PTPRD: variants seen among roughly 807,000 people sequenced by gnomAD.
PTPRD encodes protein tyrosine phosphatase receptor type D, also known as receptor-type tyrosine-protein phosphatase delta.
Under a neutral mutation model 214.5 loss-of-function variants are expected in PTPRD, and 34 were observed. The observed-to-expected ratio is 0.16, with a 90% CI of 0.12 to 0.21. The LOEUF (loss-of-function observed/expected upper bound fraction) is 0.21. Ranked by LOEUF, PTPRD falls within the 10% of genes least tolerant of loss-of-function variation. PTPRD has a pLI of 1.00. For synonymous variants in PTPRD, 1,128 were observed against 845.7 expected, an observed-to-expected ratio of 1.33 and a Z score of -5.79; for missense variants, 2,545 against 2,398.7, an observed-to-expected ratio of 1.06 and a Z score of -1.27.
At chr9:8,839,315 TA>T (rs1231242892) in intron 11 of PTPRD, among the ~76,000 whole-genome samples, 50 of 151,472 alleles carry the variant, frequency 3.3e-4, no homozygotes, top group Non-Finnish European at 6.2e-4. Context: ...TTTATTTATT[TA>T]TTTATTTATT....
chr9:9,897,756 G>A (rs929673324), intron 5 of PTPRD, among the ~76,000 whole-genome samples: 1 of 151,956 alleles, frequency 6.6e-6, no homozygotes, highest in South Asian at 2.1e-4. Flanking sequence ...AACTACTTAT[G>A]AGCATTTTAT....
chr9:9,832,959 T>G (rs1212036998), intron 5 of PTPRD, among the ~76,000 whole-genome samples: 1 of 151,900 alleles, frequency 6.6e-6, no homozygotes, highest in Non-Finnish European at 1.5e-5. Context: ...TAAGTAATAT[T>G]ATTTTATACT....
At chr9:10,193,066 A>G (rs978445107) in intron 3 of PTPRD, among the ~76,000 whole-genome samples, 1 of 152,132 alleles carries the variant, frequency 6.6e-6, no homozygotes, top group Non-Finnish European at 1.5e-5. Context: ...TTCAGCAGGT[A>G]TGTTCAGCCA....
chr9:9,704,241 C>A (rs928748124), intron 7 of PTPRD, among the ~76,000 whole-genome samples: 1 of 152,018 alleles, frequency 6.6e-6, no homozygotes, highest in African/African-American at 2.4e-5. Context: ...GCCATCAAAT[C>A]GCATTCTTCT....
chr9:8,599,617 T>C (rs2154275372), intron 14 of PTPRD, among the ~76,000 whole-genome samples: 1 of 76,056 alleles, frequency 1.3e-5, no homozygotes, highest in Non-Finnish European at 2.4e-5. Flanking sequence ...CCCACCCTTT[T>C]TTTTTTTTTT....
intron 4 of PTPRD, among the ~76,000 whole-genome samples, chr9:9,986,761 A>G (rs1177858097): frequency 1.3e-5 from 2 of 152,124 alleles, no homozygotes; most frequent in East Asian, 3.9e-4. Context: ...TGATTGAAAT[A>G]CTCTCTAGAG....
chr9:9,625,242 A>G lies in PTPRD; in HGVS notation c.-286-50461T>C, dbSNP rs113343221. Among the ~76,000 whole-genome samples, 574 of 152,306 alleles carry G rather than the reference A, an allele frequency of 3.8e-3. 4 individuals are homozygous for G. The highest frequency in any genetic ancestry group is 0.013 in the African/African-American group (548 of 41,566). ...ATATGGACAGTACACACAAGGCCAG[A>G]AGAGTGTGGACATGGGCAAGGGAGC... On this transcript the variant is annotated intron_variant, in intron 7 of 45. Transcript: ENST00000381196.
At chr9:9,458,307 A>C (rs1240997245) in intron 8 of PTPRD, among the ~76,000 whole-genome samples, 2 of 152,080 alleles carry the variant, frequency 1.3e-5, no homozygotes, top group African/African-American at 4.8e-5. Flanking sequence ...GAAAATAAAA[A>C]TGTTTCTGTA....
chr9:8,555,223 G>T (rs201751989), intron 14 of PTPRD, among the ~76,000 whole-genome samples: 1 of 152,084 alleles, frequency 6.6e-6, no homozygotes, highest in East Asian at 1.9e-4. Context: ...GGGCAACATG[G>T]CAAGACCCTG....
Position 9,489,234 on chromosome 9 carries a change from G to A in PTPRD, c.-237+85498C>T, listed in dbSNP as rs922471292. On this transcript the variant is annotated intron_variant, in intron 8 of 45. Transcript: ENST00000381196. ...ACACCTGCAACTGATCCTTGGAACT[G>A]ACACAGCCTATAACAATCAAATGAA... is the stretch of plus-strand genomic sequence containing the variant. 2.6e-5 allele frequency among the ~76,000 whole-genome samples: 4 copies of A among 152,258 alleles called. No individual in the cohort carries two copies. The East Asian group carries it at 7.7e-4, about 29-fold the overall frequency.
chr9:10,241,381 A>T (rs1436099756), intron 3 of PTPRD, among the ~76,000 whole-genome samples: 2 of 151,992 alleles, frequency 1.3e-5, no homozygotes, highest in East Asian at 1.9e-4. Context: ...GAATGTGTCC[A>T]TTCAAAGACT....
In PTPRD at chr9:8,344,153, G is replaced by A. The variant is rs550935777; in HGVS notation, c.4662-2175C>T. ...CCTGAGACTCCAAGTAACATCTTTC[G>A]TTCTTTCTGTGTTGTCTTTCTAAAT... On this transcript the variant is annotated intron_variant, in intron 39 of 45. Coordinates refer to ENST00000381196, the MANE Select transcript of PTPRD (RefSeq NM_002839.4). Among the ~76,000 whole-genome samples, 15 of 152,070 alleles carry A rather than the reference G, an allele frequency of 9.9e-5. No individual in the cohort carries two copies. The South Asian group carries it at 1.0e-3, about 11-fold the overall frequency.
chr9:9,660,319 G>A (rs950749906), intron 7 of PTPRD, among the ~76,000 whole-genome samples: 1 of 151,982 alleles, frequency 6.6e-6, no homozygotes, highest in African/African-American at 2.4e-5. Context: ...GTGAAGAATA[G>A]ACTATAGGGA....
intron 8 of PTPRD, among the ~76,000 whole-genome samples, chr9:9,522,070 T>A (rs2096989151): frequency 6.7e-6 from 1 of 148,222 alleles, no homozygotes; most frequent in Non-Finnish European, 1.5e-5. Flanking sequence ...GGCAGGAGAA[T>A]CGCTTGAAAC....
At chr9:9,456,756 A>G (rs2093062984) in intron 8 of PTPRD, among the ~76,000 whole-genome samples, 1 of 151,832 alleles carries the variant, frequency 6.6e-6, no homozygotes, top group Admixed American at 6.6e-5. Flanking sequence ...AGATGGGGAG[A>G]CTGAGAAATA....
intron 8 of PTPRD, among the ~76,000 whole-genome samples, chr9:9,458,193 T>C (rs556341728): frequency 6.7e-4 from 102 of 152,080 alleles, no homozygotes; most frequent in Middle Eastern, 3.4e-3. Context: ...TAGGTACGAT[T>C]AGTGGTAAAG....
chr9:8,619,583 C>T (rs1260921617), intron 14 of PTPRD, among the ~76,000 whole-genome samples: 1 of 151,998 alleles, frequency 6.6e-6, no homozygotes, highest in Admixed American at 6.6e-5. Context: ...TTCTTTAATG[C>T]CTTTTTAATG....
At chr9:10,287,140 A>G (rs1260088072) in intron 3 of PTPRD, among the ~76,000 whole-genome samples, 1 of 152,200 alleles carries the variant, frequency 6.6e-6, no homozygotes, top group Non-Finnish European at 1.5e-5. Flanking sequence ...TACAAAAAAG[A>G]TGGTTTCTAT....
chr9:8,770,025 A>T (rs2095078158), intron 11 of PTPRD, among the ~76,000 whole-genome samples: 1 of 152,194 alleles, frequency 6.6e-6, no homozygotes, highest in Admixed American at 6.5e-5. Context: ...TCATGCCTGT[A>T]ATCCCAGCAC....
Sources: gnomAD v4.1 joint callset for allele counts (sites outside exome capture counted in the v4.1 genomes callset) on GRCh38, gnomAD v4.1.1 for gene constraint, MANE v1.5 for transcripts, NCBI Gene and HGNC (gene_info 2026-07-23, HGNC 2026-07-21) for gene names.